PKHD1L1: variants seen among roughly 807,000 people sequenced by gnomAD.
PKHD1L1 encodes the protein fibrocystin-L.
PKHD1L1 carries 434 observed loss-of-function variants against 462.9 expected under a neutral mutation model. The ratio of observed to expected loss-of-function variants is 0.94; its 90% CI spans 0.87 to 1.02. The LOEUF is 1.02. Among genes scored for constraint, PKHD1L1 ranks in the 50% least tolerant of loss-of-function variants. The pLI is 0.00. For synonymous variants in PKHD1L1, 1,781 were observed against 1,750.0 expected (o/e 1.02, Z -0.44); for missense variants, 5,202 against 5,096.1 (o/e 1.02, Z -0.63).
In PKHD1L1 at chr8:109,364,776, G is replaced by A. The variant is rs1290217976; in HGVS notation, c.163+140G>A. 8.0e-6 allele frequency: 5 copies of A among 626,348 alleles called. No individual in the cohort carries two copies. In the East Asian group the frequency reaches 1.4e-4, roughly 17 times the overall value. The allele number at this position is 626,348 out of a possible 1,614,324, so 38.8% of individuals were successfully genotyped here. A position where few individuals can be genotyped will look rare whatever the true frequency, so the allele number is the denominator to read the frequency against. ...CACTTGGCCAGAATAGTAAAACTCT[G>A]TCCTCTTTGATAGCTAGTGAAATCC... On this transcript the variant is annotated intron_variant, in intron 2 of 77. Coordinates refer to ENST00000378402, the MANE Select transcript of PKHD1L1 (RefSeq NM_177531.6).
At chr8:109,437,754 C>T (rs1275135075) in intron 30 of PKHD1L1, among the ~76,000 whole-genome samples, 1 of 151,838 alleles carries the variant, frequency 6.6e-6, no homozygotes, top group Non-Finnish European at 1.5e-5. Flanking sequence ...ACTTTGTTTA[C>T]AATATGTCAT....
intron 10 of PKHD1L1, 124 bp from the exon 11 acceptor site, chr8:109,395,903 G>A: frequency 1.6e-6 from 1 of 612,664 alleles, no homozygotes; most frequent in South Asian, 2.0e-5. Flanking sequence ...CCTAATTCAT[G>A]CAGTTGGTAA....
intron 21 of PKHD1L1, 66 bp from the exon 22 acceptor site, chr8:109,419,031 T>C: frequency 7.4e-7 from 1 of 1,360,184 alleles, no homozygotes; most frequent in Non-Finnish European, 1.0e-6. Context: ...TTTTAATGCT[T>C]TCTAAAGTGT....
Position 109,486,725 on chromosome 8 carries a change from A to T in PKHD1L1, c.9784A>T (p.Lys3262Ter). 1 of 1,612,532 alleles carries T rather than the reference A, an allele frequency of 6.2e-7. No homozygotes were observed. Among genetic ancestry groups the T allele is most frequent in the African/African-American group, 1.3e-5 (1 of 74,912 alleles). ...TGTTGGGATACTGAGTAGGAACATC[A>T]AAATAGTTGGTGAAGATTACCCCGG... ...ADVGILSRNI[K>*]IVGEDYPGWS... The change falls in exon 59 of 78, where the codon AAA becomes TAA. Residue 3262 changes from lysine (K) to a stop codon, truncating the protein, a stop_gained. Transcript: ENST00000378402. LOFTEE classifies it high-confidence loss of function.
chr8:109,529,710 A>G (rs1820980986), intron 77 of PKHD1L1, among the ~76,000 whole-genome samples: 1 of 152,118 alleles, frequency 6.6e-6, no homozygotes, highest in African/African-American at 2.4e-5. Flanking sequence ...CCATTTTTCA[A>G]TTAGAATATA....
At position 109,523,390 on chromosome 8, in the gene PKHD1L1, G is replaced by C. The variant is rs779637643; in HGVS notation, c.12484+4G>C. The C allele has an allele frequency of 2.5e-6, 4 of 1,606,626 alleles. No individual in the cohort carries two copies. The highest frequency in any genetic ancestry group is 3.4e-6 in the Non-Finnish European group (4 of 1,175,672). On this transcript the variant is annotated splice_donor_region_variant and intron_variant, in intron 76 of 77. Coordinates refer to ENST00000378402, the MANE Select transcript of PKHD1L1 (RefSeq NM_177531.6). ...GACCTTACTCCCCTTAGAACAGGTG[G>C]GTGCACTATTTTGGATCCTCACATA...
intron 52 of PKHD1L1, 90 bp from the exon 53 acceptor site, chr8:109,477,135 A>G: frequency 7.8e-7 from 1 of 1,284,278 alleles, no homozygotes; most frequent in Non-Finnish European, 1.1e-6. Flanking sequence ...GTTACTACCT[A>G]AAGAACATTT....
Position 109,389,123 on chromosome 8 carries a change from T to A in PKHD1L1, c.668T>A (p.Met223Lys). ...LDHPNGDMGS[M>K]VCKTTGTFIG... ...CATCCAAATGGAGATATGGGTTCTA[T>A]GGTTTGTAAGACGACTGGAACTTTT... The change falls in exon 8 of 78, where the codon ATG (methionine) becomes AAG (lysine). Residue 223 changes from methionine to lysine, a missense_variant. Met to Lys is a moderately conservative substitution (Grantham distance 95). This residue lies in a region of PKHD1L1 where 4,497 missense variants were observed against 4,336.8 expected (regional missense o/e 1.04). Coordinates refer to ENST00000378402, the MANE Select transcript of PKHD1L1 (RefSeq NM_177531.6). The A allele has an allele frequency of 1.9e-6, 3 of 1,611,152 alleles. No homozygotes were observed. Among genetic ancestry groups the A allele is most frequent in the Non-Finnish European group, 2.5e-6 (3 of 1,178,020 alleles).
chr8:109,504,228 A>G (rs1254535315), intron 67 of PKHD1L1, 99 bp from the exon 68 acceptor site: 3 of 710,200 alleles, frequency 4.2e-6, no homozygotes, highest in Non-Finnish European at 6.4e-6. Flanking sequence ...TCCATGTTTA[A>G]GGTAGTGACA....
At chr8:109,487,944 AGAAGGAAGGAAG>A (rs796446244) in intron 59 of PKHD1L1, among the ~76,000 whole-genome samples, 1 of 36,854 alleles carries the variant, frequency 2.7e-5, no homozygotes, top group African/African-American at 8.6e-5. Flanking sequence ...AAGGAAGGAA[AGAAGGAAGGAAG>A]GAAGGAAGGG....
Position 109,485,182 on chromosome 8 carries a change from A to G in PKHD1L1, c.9706+9A>G. ...TTCCTATACTCACTTTGGTAAGTGG[A>G]TGCTTTTTAACCAAATAGATATATA... On this transcript the variant is annotated intron_variant, in intron 58 of 77. Transcript: ENST00000378402. 1 of 1,551,946 alleles carries G rather than the reference A, an allele frequency of 6.4e-7. No individual in the cohort carries two copies. The highest frequency in any genetic ancestry group is 8.7e-7 in the Non-Finnish European group (1 of 1,144,880).
rs1220915528 is a variant in PKHD1L1 at position 109,532,399 on chromosome 8, C to A, written c.*2309C>A. Among the ~76,000 whole-genome samples the A allele has an allele frequency of 2.0e-5, 3 of 152,056 alleles. No individual in the cohort carries two copies. The highest frequency in any genetic ancestry group is 7.2e-5 in the African/African-American group (3 of 41,392). On this transcript the variant is annotated 3_prime_UTR_variant, in exon 78 of 78. Transcript: ENST00000378402. Reference sequence around the variant, plus strand: ...TGCTTGAATTATTGGAATCCATGGGCAATACATCTTCACATGTCCCTTATT... The same window carrying A: ...TGCTTGAATTATTGGAATCCATGGGAAATACATCTTCACATGTCCCTTATT...
At chr8:109,486,910 T>A (rs191902167) in intron 59 of PKHD1L1, 89 bp downstream of exon 59, 108 of 1,286,286 alleles carry the variant, frequency 8.4e-5, no homozygotes, top group East Asian at 5.5e-4. Flanking sequence ...CTCACTTTTT[T>A]AATAAGATTA....
rs1187446821 is a variant in PKHD1L1, at chr8:109,508,215, A to T, written c.11346A>T (p.Arg3782Ser). ...ESLDPDTETRRLSPVAIMGNG... is the reference protein window; with the variant it reads ...ESLDPDTETRSLSPVAIMGNG... Reference sequence around the variant, plus strand: ...TGGATCCTGACACAGAAACTCGAAGACTTTCCCCAGTGGCTATAATGGGCA... The same window carrying T: ...TGGATCCTGACACAGAAACTCGAAGTCTTTCCCCAGTGGCTATAATGGGCA... The change falls in exon 70 of 78, where the codon AGA becomes AGT. Residue 3782 changes from arginine (R) to serine (S), a missense_variant. Arg to Ser is a moderately radical substitution (Grantham distance 110). Transcript: ENST00000378402. 1.2e-6 allele frequency: 2 copies of T among 1,613,266 alleles called. No homozygotes were observed. Among genetic ancestry groups the T allele is most frequent in the Non-Finnish European group, 8.5e-7 (1 of 1,179,468 alleles).
intron 19 of PKHD1L1, among the ~76,000 whole-genome samples, chr8:109,410,963 G>A (rs530136376): frequency 9.2e-5 from 14 of 151,668 alleles, no homozygotes; most frequent in African/African-American, 2.4e-4. Flanking sequence ...TCTTGACCTC[G>A]TGATCCGCAC....
intron 77 of PKHD1L1, among the ~76,000 whole-genome samples, chr8:109,529,096 A>C (rs561395445): frequency 3.2e-4 from 48 of 152,328 alleles, no homozygotes; most frequent in Admixed American, 6.5e-4. Flanking sequence ...CTAGATTTTA[A>C]ATTTAAATAT....
chr8:109,415,837 G>C (rs1814123762), intron 21 of PKHD1L1, among the ~76,000 whole-genome samples: 1 of 135,504 alleles, frequency 7.4e-6, no homozygotes, highest in Admixed American at 8.2e-5. Context: ...GACAGAATGA[G>C]ACCTTGTCTT....
intron 73 of PKHD1L1, among the ~76,000 whole-genome samples, chr8:109,520,012 CA>C (rs1467249394): frequency 3.9e-5 from 6 of 152,234 alleles, no homozygotes; most frequent in African/African-American, 1.4e-4. Context: ...ATGCACCTAC[CA>C]CATTATCACT....
At chr8:109,529,418 T>C (rs1820969275) in intron 77 of PKHD1L1, among the ~76,000 whole-genome samples, 1 of 151,794 alleles carries the variant, frequency 6.6e-6, no homozygotes, top group Non-Finnish European at 1.5e-5. Context: ...GACAAGCATT[T>C]CTTTAATTAA....
Sources: allele counts gnomAD v4.1 joint callset (sites outside exome capture counted in the v4.1 genomes callset), GRCh38; gene constraint gnomAD v4.1.1; regional missense constraint gnomAD v4.1.1; transcripts MANE v1.5; gene names NCBI Gene and HGNC (gene_info 2026-07-23, HGNC 2026-07-21).